TCF12: variants seen among roughly 807,000 people sequenced by gnomAD.
TCF12 encodes DNA-binding protein HTF4.
TCF12 carries 45 observed loss-of-function variants against 86.0 expected under a neutral mutation model. The observed-to-expected ratio is 0.52, with a 90% CI of 0.41 to 0.67. TCF12 has a LOEUF of 0.67. TCF12 is among the 30% of genes least tolerant of loss of function. The pLI, the probability that TCF12 is intolerant of heterozygous loss-of-function variation, is 0.00. For missense variants in TCF12, 881 were observed against 859.9 expected (o/e 1.02, Z -0.31); for synonymous variants, 330 against 299.6 (o/e 1.10, Z -1.05).
chr15:57,104,873 T>G (rs1368505746), intron 5 of TCF12, among the ~76,000 whole-genome samples: 1 of 134,898 alleles, frequency 7.4e-6, no homozygotes, highest in Non-Finnish European at 1.6e-5. Context: ...TTTTTTTTTT[T>G]TTTTTTTTTT....
chr15:57,149,962 C>A (rs2053625675), intron 5 of TCF12, among the ~76,000 whole-genome samples: 1 of 151,998 alleles, frequency 6.6e-6, no homozygotes, highest in Non-Finnish European at 1.5e-5. Context: ...TCATAGTGGT[C>A]CTAACTAAAT....
At chr15:57,070,846 G>A (rs962051083) in intron 4 of TCF12, among the ~76,000 whole-genome samples, 3 of 152,152 alleles carry the variant, frequency 2.0e-5, no homozygotes, top group Admixed American at 1.3e-4. Flanking sequence ...GAACTGGTGG[G>A]TAGTTCATTT....
At chr15:57,170,667 A>AT (rs1304441870) in intron 6 of TCF12, among the ~76,000 whole-genome samples, 31 of 19,654 alleles carry the variant, frequency 1.6e-3, no homozygotes, top group South Asian at 7.4e-3. Context: ...TAAAATATAT[A>AT]TATATATAAT....
chr15:57,201,048 A>G (rs1426157715), intron 8 of TCF12, among the ~76,000 whole-genome samples: 2 of 152,160 alleles, frequency 1.3e-5, no homozygotes, highest in Non-Finnish European at 2.9e-5. Flanking sequence ...AATAACCAAA[A>G]AAGAATAGTG....
chr15:57,228,208 G>GA (rs1566948101), intron 8 of TCF12, among the ~76,000 whole-genome samples: 1 of 152,050 alleles, frequency 6.6e-6, no homozygotes, highest in African/African-American at 2.4e-5. Context: ...TCTTTGATCT[G>GA]AAAAATCAAG....
intron 8 of TCF12, among the ~76,000 whole-genome samples, chr15:57,216,501 C>G (rs1007940889): frequency 1.6e-4 from 24 of 151,016 alleles, no homozygotes; most frequent in Admixed American, 4.0e-4. Context: ...AAAATTGGCC[C>G]TGTCTCCAGC....
At chr15:57,279,884 C>CTT (rs34752903) in intron 19 of TCF12, among the ~76,000 whole-genome samples, 19,969 of 97,520 alleles carry the variant, frequency 0.2, 2,228 homozygotes, top group African/African-American at 0.39. Flanking sequence ...CACAGTCTCA[C>CTT]TTTTTTTTTT....
At chr15:57,099,604 T>C (rs2049583947) in intron 5 of TCF12, among the ~76,000 whole-genome samples, 1 of 152,218 alleles carries the variant, frequency 6.6e-6, no homozygotes, top group Non-Finnish European at 1.5e-5. Context: ...GGTAATACTA[T>C]ATATCCTGTA....
chr15:57,192,835 T>C (rs2057054925), intron 7 of TCF12, among the ~76,000 whole-genome samples: 1 of 152,238 alleles, frequency 6.6e-6, no homozygotes, highest in South Asian at 2.1e-4. Context: ...TGTAAGTTTT[T>C]AATGAAAGGT....
intron 3 of TCF12, among the ~76,000 whole-genome samples, chr15:56,970,923 C>A (rs779804512): frequency 6.6e-6 from 1 of 151,758 alleles, no homozygotes; most frequent in Non-Finnish European, 1.5e-5. Flanking sequence ...GCATGGCAGT[C>A]CACGCCTATT....
rs564986733 is a variant in TCF12, at chr15:57,110,261, C to T, written c.325+18370C>T. ...TAGGCTAAAAATAATATTTGTTCAT[C>T]TGAGTATTAAGATTTTTTAGTTTTA... On this transcript the variant is annotated intron_variant, in intron 5 of 20. Transcript: ENST00000333725. Among the ~76,000 whole-genome samples the T allele has an allele frequency of 9.5e-4, 145 of 152,082 alleles. 1 individual carries two copies. The highest frequency in any genetic ancestry group is 3.3e-3 in the African/African-American group (135 of 41,490).
At chr15:57,068,718 G>A (rs2069116172) in intron 4 of TCF12, among the ~76,000 whole-genome samples, 1 of 152,166 alleles carries the variant, frequency 6.6e-6, no homozygotes, top group South Asian at 2.1e-4. Flanking sequence ...GATTTAAGGT[G>A]AAGCTTGAAG....
chr15:57,207,245 A>G (rs1174803024), intron 8 of TCF12, among the ~76,000 whole-genome samples: 3 of 152,364 alleles, frequency 2.0e-5, no homozygotes, highest in South Asian at 4.1e-4. Flanking sequence ...TAAAACCTTC[A>G]TACAAAAATT....
chr15:56,934,990 T>A (rs983981735), intron 3 of TCF12, among the ~76,000 whole-genome samples: 1 of 152,232 alleles, frequency 6.6e-6, no homozygotes, highest in Non-Finnish European at 1.5e-5. Flanking sequence ...AATGCTTTCT[T>A]GAAGATCTAT....
intron 5 of TCF12, among the ~76,000 whole-genome samples, chr15:57,095,517 C>T (rs1043377314): frequency 1.3e-5 from 2 of 152,194 alleles, no homozygotes; most frequent in South Asian, 4.1e-4. Flanking sequence ...TGTTTATAAG[C>T]TTTACTTATT....
upstream of TCF12, chr15:56,918,179 G>C (rs767185419): frequency 6.6e-6 from 3 of 456,148 alleles, no homozygotes; most frequent in South Asian, 4.6e-5. Context: ...TCTGGGCCCA[G>C]CTTAGGGTGG....
chr15:57,154,573 C>CTCTCTCTA (rs2151476399), intron 5 of TCF12, among the ~76,000 whole-genome samples: 1 of 152,314 alleles, frequency 6.6e-6, no homozygotes, highest in Non-Finnish European at 1.5e-5. Flanking sequence ...GACTTCTCAG[C>CTCTCTCTA]TCTCTCTACC....
At chr15:57,230,769 C>G (rs2059098676) in intron 8 of TCF12, among the ~76,000 whole-genome samples, 1 of 151,532 alleles carries the variant, frequency 6.6e-6, no homozygotes, top group Non-Finnish European at 1.5e-5. Context: ...TTTTATGAAC[C>G]CAGATTTTAT....
At chr15:57,231,332 A>G in intron 9 of TCF12, 75 bp downstream of exon 9, 1 of 1,196,302 alleles carries the variant, frequency 8.4e-7, no homozygotes, top group Non-Finnish European at 1.2e-6. Context: ...AGTATTAGGA[A>G]AGAGAATACC....
Sources: gnomAD v4.1 joint callset for allele counts (sites outside exome capture counted in the v4.1 genomes callset) on GRCh38, gnomAD v4.1.1 for gene constraint, MANE v1.5 for transcripts, NCBI Gene and HGNC (gene_info 2026-07-23, HGNC 2026-07-21) for gene names.